Variants in DYNC2H1 observed in about 807,000 individuals in gnomAD.
DYNC2H1 encodes cytoplasmic dynein 2 heavy chain 1.
DYNC2H1 carries 410 observed loss-of-function variants against 570.0 expected under a neutral mutation model. The observed-to-expected ratio is 0.72, with a 90% CI of 0.66 to 0.78. The LOEUF (loss-of-function observed/expected upper bound fraction) is 0.78, where lower values mean the gene tolerates loss of function less well. DYNC2H1 is among the 30% of genes least tolerant of loss of function. The pLI is 0.00. For synonymous variants in DYNC2H1, 1,688 were observed against 1,677.6 expected, an observed-to-expected ratio of 1.01 and a Z score of -0.15; for missense variants, 4,865 against 5,046.4, an observed-to-expected ratio of 0.96 and a Z score of 1.09.
chr11:103,228,824 A>T lies in DYNC2H1; in HGVS notation c.9354-2436A>T, dbSNP rs1422909486. On this transcript the variant is annotated intron_variant, in intron 59 of 88. Coordinates refer to ENST00000375735, the MANE Select transcript of DYNC2H1 (RefSeq NM_001377.3). The surrounding 1 kb of genome is among the most constrained non-coding windows in gnomAD (Gnocchi z 6.1). ...GATATTATGACCTTTGTTTTTGGCT[A>T]CCAGGGTGGGTAGAGAAAGAACACC... Among the ~76,000 whole-genome samples the T allele has an allele frequency of 6.6e-6, 1 of 152,108 alleles. No homozygotes were observed. Among genetic ancestry groups the T allele is most frequent in the South Asian group, 2.1e-4 (1 of 4,824 alleles).
intron 82 of DYNC2H1, among the ~76,000 whole-genome samples, chr11:103,337,063 C>T (rs1177084294): frequency 6.6e-6 from 1 of 152,096 alleles, no homozygotes; most frequent in East Asian, 1.9e-4. Flanking sequence ...CCTGGCCCAC[C>T]CAGGGCAGAA....
In DYNC2H1 at chr11:103,245,460, C is replaced by A. The variant is rs1484538266; in HGVS notation, c.10042+86C>A. On this transcript the variant is annotated intron_variant, in intron 65 of 88. Coordinates refer to ENST00000375735, the MANE Select transcript of DYNC2H1 (RefSeq NM_001377.3). This position sits in a 1 kb window ranked among gnomAD's most constrained non-coding sequence, Gnocchi z 4.5. ...AACCAGGTGCAAGCTTTCAAGAGTC[C>A]TCTTCCAGTGGAGTCACACATGATG... 7.4e-6 allele frequency: 10 copies of A among 1,358,358 alleles called. No individual in the cohort carries two copies. In the Middle Eastern group the frequency reaches 5.8e-4, roughly 78 times the overall value. 84.1% of individuals were successfully genotyped at this position (1,358,358 alleles called of 1,614,324 possible). A position where few individuals can be genotyped will look rare whatever the true frequency, so the allele number is the denominator to read the frequency against.
rs1862632049 is a variant in DYNC2H1, at chr11:103,199,449, GA to G, written c.8063del (p.Lys2688SerfsTer21). On this transcript the variant is annotated frameshift_variant, in exon 49 of 89. Coordinates refer to ENST00000375735, the MANE Select transcript of DYNC2H1 (RefSeq NM_001377.3). LOFTEE classifies it high-confidence loss of function. This position sits in a 1 kb window ranked among gnomAD's most constrained non-coding sequence, Gnocchi z 4.6. The part of the protein sequence containing the change: ...SPKISRGYEL[K>X]QFKNDLKHVL... ...CAAAGATTTCCAGAGGATATGAACT[GA>G]AGCAGTTCAAAAATGATCTCAAACA... 6.3e-7 allele frequency: 1 copy of G among 1,591,786 alleles called. No homozygotes were observed. The highest frequency in any genetic ancestry group is 2.2e-5 in the East Asian group (1 of 44,556).
intron 17 of DYNC2H1, among the ~76,000 whole-genome samples, chr11:103,137,920 T>G (rs1859667441): frequency 6.7e-6 from 1 of 150,334 alleles, no homozygotes; most frequent in Non-Finnish European, 1.5e-5. Context: ...TGGTTTGTAG[T>G]TCTCCTTGAA....
chr11:103,320,661 G>C (rs1161391248), intron 80 of DYNC2H1, among the ~76,000 whole-genome samples: 2 of 152,164 alleles, frequency 1.3e-5, no homozygotes, highest in Non-Finnish European at 2.9e-5. Context: ...TTGTGTGGCA[G>C]ATAATTCAGA....
chr11:103,188,185 TA>T (rs1190953840), intron 43 of DYNC2H1, among the ~76,000 whole-genome samples: 2 of 152,114 alleles, frequency 1.3e-5, no homozygotes, highest in Non-Finnish European at 2.9e-5. Context: ...ATTTTTCTCA[TA>T]TTTTTCCTGA....
chr11:103,364,007 A>G (rs1053482568), intron 83 of DYNC2H1, among the ~76,000 whole-genome samples: 1 of 152,192 alleles, frequency 6.6e-6, no homozygotes, highest in African/African-American at 2.4e-5. Flanking sequence ...TGCCATTAAT[A>G]AAAAATATGC....
intron 70 of DYNC2H1, among the ~76,000 whole-genome samples, chr11:103,269,245 G>A (rs950707390): frequency 6.6e-6 from 1 of 152,084 alleles, no homozygotes; most frequent in Non-Finnish European, 1.5e-5. Flanking sequence ...TTCTGTTTGA[G>A]TAATATTAAA....
rs769043927 is a variant in DYNC2H1, at chr11:103,194,330, C to CT, written c.7708+2067dup. On this transcript the variant is annotated intron_variant, in intron 47 of 88. Coordinates refer to ENST00000375735, the MANE Select transcript of DYNC2H1 (RefSeq NM_001377.3). The stretch of plus-strand genomic sequence containing the variant: ...TAACCCTTTATCTACTGAAAGACAT[C>CT]TGGGTTGTTTTCAGTTTTTGGCTGT... Among the ~76,000 whole-genome samples the CT allele has an allele frequency of 1.5e-4, 23 of 151,962 alleles. 1 individual carries two copies. The highest frequency in any genetic ancestry group is 1.3e-3 in the Admixed American group (20 of 15,262).
intron 70 of DYNC2H1, among the ~76,000 whole-genome samples, chr11:103,279,392 T>C (rs569079778): frequency 6.6e-6 from 1 of 152,332 alleles, no homozygotes; most frequent in East Asian, 1.9e-4. Flanking sequence ...TCAAAGAGTA[T>C]GATCCTCCTA....
Position 103,179,122 on chromosome 11 carries a change from C to A in DYNC2H1, c.6236C>A (p.Pro2079His). The stretch of plus-strand genomic sequence containing the variant: ...GATGATAATCGACTGCTGACTATGC[C>A]CAGTGGAGAAAGGATTCAGTTTGGC... ...VLDDNRLLTM[P>H]SGERIQFGPN... Residue 2079 changes from proline (P) to histidine (H), a missense_variant, in exon 39 of 89, where the codon CCC becomes CAC. Pro to His is a moderately conservative substitution (Grantham distance 77). This residue lies in a region of DYNC2H1 where 231 missense variants were observed against 310.3 expected (regional missense o/e 0.74). Coordinates refer to ENST00000375735, the MANE Select transcript of DYNC2H1 (RefSeq NM_001377.3). 3.1e-6 allele frequency: 5 copies of A among 1,612,920 alleles called. No individual in the cohort carries two copies. The highest frequency in any genetic ancestry group is 4.2e-6 in the Non-Finnish European group (5 of 1,179,312).
intron 63 of DYNC2H1, among the ~76,000 whole-genome samples, chr11:103,240,905 G>T (rs1002259830): frequency 3.3e-5 from 5 of 152,112 alleles, no homozygotes; most frequent in African/African-American, 1.2e-4. Context: ...GGTTACTCCT[G>T]CCATTTTATA....
intron 83 of DYNC2H1, among the ~76,000 whole-genome samples, chr11:103,390,794 A>T (rs1406147991): frequency 6.6e-6 from 1 of 152,156 alleles, no homozygotes; most frequent in Non-Finnish European, 1.5e-5. Context: ...TGGGTTGAAA[A>T]TTCTTTTCTT....
intron 84 of DYNC2H1, among the ~76,000 whole-genome samples, chr11:103,425,416 C>T (rs890092002): frequency 6.6e-6 from 1 of 152,210 alleles, no homozygotes; most frequent in East Asian, 1.9e-4. Flanking sequence ...CTTGTATCCT[C>T]ATATGGTGGA....
rs778374973 is a variant in DYNC2H1 at position 103,324,009 on chromosome 11, C to A, written c.12039+19C>A. On this transcript the variant is annotated intron_variant, in intron 82 of 88. Coordinates refer to ENST00000375735, the MANE Select transcript of DYNC2H1 (RefSeq NM_001377.3). This position sits in a 1 kb window ranked among gnomAD's most constrained non-coding sequence, Gnocchi z 5.2. ...TTCTCAGGTAACCTAAAAAAAAGAT[C>A]TACCTTCAAAAAAAGTTGCTAGTGA... 3 of 1,566,286 alleles carry A rather than the reference C, an allele frequency of 1.9e-6. No homozygotes were observed. Among genetic ancestry groups the A allele is most frequent in the African/African-American group, 2.7e-5 (2 of 73,008 alleles).
intron 87 of DYNC2H1, among the ~76,000 whole-genome samples, chr11:103,464,282 T>C (rs1945121565): frequency 6.6e-6 from 1 of 152,164 alleles, no homozygotes; most frequent in African/African-American, 2.4e-5. Flanking sequence ...AAATGTAGTC[T>C]TTAAATGAAA....
chr11:103,185,577 G>A lies in DYNC2H1; in HGVS notation c.6633+526G>A, dbSNP rs886881840. On this transcript the variant is annotated intron_variant, in intron 41 of 88. Coordinates refer to ENST00000375735, the MANE Select transcript of DYNC2H1 (RefSeq NM_001377.3). This position sits in a 1 kb window ranked among gnomAD's most constrained non-coding sequence, Gnocchi z 4.5. ...AATTATTGGACATTTATTCCTTTGG[G>A]TTGGCTCTAACATTAACAGCTTTTT... is the stretch of plus-strand genomic sequence containing the variant. 1.5e-5 allele frequency among the ~76,000 whole-genome samples: 2 copies of A among 132,120 alleles called. No individual in the cohort carries two copies. Among genetic ancestry groups the A allele is most frequent in the Non-Finnish European group, 3.2e-5 (2 of 62,072 alleles). 86.7% of individuals were successfully genotyped at this position (132,120 alleles called of 152,430 possible).
At chr11:103,197,308 G>A (rs965917857) in intron 47 of DYNC2H1, among the ~76,000 whole-genome samples, 1 of 152,036 alleles carries the variant, frequency 6.6e-6, no homozygotes, top group Non-Finnish European at 1.5e-5. Context: ...ATAGACAGTG[G>A]GGAGTAGTGG....
intron 17 of DYNC2H1, among the ~76,000 whole-genome samples, chr11:103,138,034 T>G (rs1048402558): frequency 6.0e-5 from 9 of 150,676 alleles, no homozygotes; most frequent in Non-Finnish European, 1.0e-4. Flanking sequence ...TGTTTGTCTG[T>G]TATTGGTGTA....
Sources: allele counts gnomAD v4.1 joint callset (sites outside exome capture counted in the v4.1 genomes callset), GRCh38; gene constraint gnomAD v4.1.1; regional missense constraint gnomAD v4.1.1; non-coding constraint Gnocchi (gnomAD v3.1); transcripts MANE v1.5; gene names NCBI Gene and HGNC (gene_info 2026-07-23, HGNC 2026-07-21).